MKLN1: variants seen among roughly 807,000 people sequenced by gnomAD.
The protein encoded by MKLN1 is muskelin 1.
In MKLN1, 18 loss-of-function variants were observed where a neutral mutation model predicts 99.0. That is an observed-to-expected ratio of 0.18 (90% confidence interval 0.13 to 0.27). The LOEUF (loss-of-function observed/expected upper bound fraction) is 0.27. Among genes scored for constraint, MKLN1 ranks in the 10% least tolerant of loss-of-function variants. MKLN1 has a pLI of 1.00. For missense variants in MKLN1, 621 were observed against 875.9 expected (o/e 0.71, Z 3.67); for synonymous variants, 288 against 293.2 (o/e 0.98, Z 0.18).
At chr7:131,171,147 AG>A (rs1796209176) in intron 2 of MKLN1, among the ~76,000 whole-genome samples, 1 of 152,216 alleles carries the variant, frequency 6.6e-6, no homozygotes, top group Admixed American at 6.5e-5. Context: ...GCAGGGTTAC[AG>A]GGAGGAGGTC....
chr7:131,275,625 T>C (rs2116568191), intron 3 of MKLN1, among the ~76,000 whole-genome samples: 1 of 135,216 alleles, frequency 7.4e-6, no homozygotes, highest in East Asian at 2.2e-4. Context: ...AGAGACGGCT[T>C]TCACCATATT....
intron 8 of MKLN1, among the ~76,000 whole-genome samples, chr7:131,426,047 A>G (rs529717642): frequency 3.3e-5 from 5 of 152,306 alleles, no homozygotes; most frequent in African/African-American, 7.2e-5. Flanking sequence ...TTACTATTAA[A>G]CTTCAGCTGG....
At chr7:131,317,764 G>GAA (rs1798697642) in intron 3 of MKLN1, among the ~76,000 whole-genome samples, 1 of 20,146 alleles carries the variant, frequency 5.0e-5, no homozygotes, top group Admixed American at 4.8e-4. Context: ...CAAATGGAAA[G>GAA]CAAAAAAAAA....
chr7:131,114,794 G>A (rs1029376175), intron 1 of MKLN1, among the ~76,000 whole-genome samples: 20 of 151,966 alleles, frequency 1.3e-4, no homozygotes, highest in Admixed American at 6.6e-4. Context: ...AAAATTAGCC[G>A]GGTGTAGTGG....
chr7:131,469,381 GGA>G (rs1348990088), intron 15 of MKLN1, among the ~76,000 whole-genome samples: 1 of 152,130 alleles, frequency 6.6e-6, no homozygotes. Context: ...CATTTCCTGG[GGA>G]GAGTGTCCCT....
At chr7:131,141,570 C>T (rs1795734212) in intron 1 of MKLN1, among the ~76,000 whole-genome samples, 1 of 152,170 alleles carries the variant, frequency 6.6e-6, no homozygotes, top group Non-Finnish European at 1.5e-5. Context: ...ACTCTCTAAA[C>T]TACTTTTAGT....
At chr7:131,289,349 G>A (rs955492660) in intron 3 of MKLN1, among the ~76,000 whole-genome samples, 3 of 152,324 alleles carry the variant, frequency 2.0e-5, no homozygotes, top group Middle Eastern at 3.4e-3. Context: ...CAAGTAGCCA[G>A]GTGTGGTGGC....
chr7:131,368,934 C>G (rs1416064380), intron 1 of MKLN1, among the ~76,000 whole-genome samples: 3 of 151,806 alleles, frequency 2.0e-5, no homozygotes, highest in Non-Finnish European at 4.4e-5. Flanking sequence ...TCATTTTTGG[C>G]TACCATTTGT....
rs1797429097 is a variant in MKLN1, at chr7:131,491,742, A to G, written c.*4014A>G. The G allele has an allele frequency of 1.3e-5, 2 of 152,590 alleles. No homozygotes were observed. The highest frequency in any genetic ancestry group is 1.3e-4 in the Admixed American group (2 of 15,286). 9.5% of individuals were successfully genotyped at this position (152,590 alleles called of 1,614,324 possible). A position where few individuals can be genotyped will look rare whatever the true frequency, so the allele number is the denominator to read the frequency against. On this transcript the variant is annotated 3_prime_UTR_variant, in exon 18 of 18. Coordinates refer to ENST00000352689, the MANE Select transcript of MKLN1 (RefSeq NM_013255.5). ...TTTTCTTTTTCTGAATAAATGCTGT[A>G]TTAGAGGTTCTATTTATATATGATT... is the stretch of plus-strand genomic sequence containing the variant.
intron 2 of MKLN1, among the ~76,000 whole-genome samples, chr7:131,144,466 A>T (rs1795787055): frequency 6.8e-6 from 1 of 147,590 alleles, no homozygotes; most frequent in Non-Finnish European, 1.5e-5. Context: ...TGGGTGACAG[A>T]GCAGGACTGT....
At chr7:131,461,163 T>C (rs1296427810) in intron 12 of MKLN1, among the ~76,000 whole-genome samples, 2 of 152,126 alleles carry the variant, frequency 1.3e-5, no homozygotes, top group Non-Finnish European at 2.9e-5. Flanking sequence ...TGATACAATG[T>C]AAATAGTTGT....
rs769538703 is a variant in MKLN1 at position 131,406,401 on chromosome 7, C to T, written c.704-4905C>T. ...TTGATCAGTGCCTTTTCTCTCTTCC[C>T]ATGTGAGGATTTAGTAGACTTTCAG... is the stretch of plus-strand genomic sequence containing the variant. On this transcript the variant is annotated intron_variant, in intron 6 of 17. Transcript: ENST00000352689. 5.9e-5 allele frequency among the ~76,000 whole-genome samples: 9 copies of T among 151,894 alleles called. No homozygotes were observed. The East Asian group carries it at 7.7e-4, about 13-fold the overall frequency.
At position 131,133,819 on chromosome 7, in the gene MKLN1, GGTTTTTT is replaced by G. The variant is rs1256736693; in HGVS notation, c.-418-9000_-418-8994del. ...ACTTCTTTTTTTTTTTTTTTAATTTGGTTTTTTTTTTTTTTTTTTTTTTTTTTGAGAC... is the reference window on the plus strand; with the variant it reads ...ACTTCTTTTTTTTTTTTTTTAATTTGTTTTTTTTTTTTTTTTTTTTGAGAC... On this transcript the variant is annotated intron_variant, in intron 1 of 7. Coordinates refer to the MKLN1 transcript ENST00000416992. Among the ~76,000 whole-genome samples, 39 of 67,234 alleles carry G rather than the reference GGTTTTTT, an allele frequency of 5.8e-4. 2 individuals carry two copies. The highest frequency in any genetic ancestry group is 9.0e-4 in the Non-Finnish European group (29 of 32,198). 44.1% of individuals were successfully genotyped at this position (67,234 alleles called of 152,430 possible).
At chr7:131,226,585 G>A (rs187113466) in intron 3 of MKLN1, among the ~76,000 whole-genome samples, 4 of 152,294 alleles carry the variant, frequency 2.6e-5, no homozygotes, top group South Asian at 4.1e-4. Flanking sequence ...GAACAGGAAG[G>A]AAATGAAAGG....
At chr7:131,126,579 G>A (rs1283212808) in intron 1 of MKLN1, among the ~76,000 whole-genome samples, 2 of 152,064 alleles carry the variant, frequency 1.3e-5, no homozygotes, top group Non-Finnish European at 1.5e-5. Flanking sequence ...TCCTGATGGA[G>A]TTTCACTCTT....
At chr7:131,448,841 A>G (rs1189868049) in intron 12 of MKLN1, among the ~76,000 whole-genome samples, 1 of 152,204 alleles carries the variant, frequency 6.6e-6, no homozygotes, top group African/African-American at 2.4e-5. Flanking sequence ...ATATTTGTTG[A>G]CCATCTACTA....
At chr7:131,149,057 A>G (rs1238448912) in intron 2 of MKLN1, among the ~76,000 whole-genome samples, 2 of 152,174 alleles carry the variant, frequency 1.3e-5, no homozygotes, top group Admixed American at 1.3e-4. Context: ...GTGGGGCAGA[A>G]AAGGTCAGTG....
At chr7:131,466,679 A>G (rs891089784) in intron 15 of MKLN1, among the ~76,000 whole-genome samples, 1 of 152,244 alleles carries the variant, frequency 6.6e-6, no homozygotes, top group African/African-American at 2.4e-5. Context: ...ACATGCCTAC[A>G]TTGAAGTAAC....
At chr7:131,474,419 A>C (rs147982555) in intron 16 of MKLN1, among the ~76,000 whole-genome samples, 3 of 152,182 alleles carry the variant, frequency 2.0e-5, no homozygotes, top group Non-Finnish European at 4.4e-5. Flanking sequence ...GAGACAGCCA[A>C]CTTAAGATGT....
Sources: allele counts gnomAD v4.1 joint callset (sites outside exome capture counted in the v4.1 genomes callset), GRCh38; gene constraint gnomAD v4.1.1; transcripts MANE v1.5; gene names NCBI Gene and HGNC (gene_info 2026-07-23, HGNC 2026-07-21).